The following HAPSTR1 variants were observed in gnomAD, a reference collection of about 807,000 sequenced individuals.
The protein encoded by HAPSTR1 is HUWE1 associated protein modifying stress responses, also known as HUWE1-associated protein modifying stress responses 1.
At chr16:9,101,990 G>A in the HAPSTR1 span, among the ~76,000 whole-genome samples, 7 of 152,242 alleles carry the variant, frequency 4.6e-5, no homozygotes, top group African/African-American at 9.6e-5. Flanking sequence ...GCATGGTGGC[G>A]TGCGCCTGTA....
At chr16:9,096,570 G>A in the HAPSTR1 span, among the ~76,000 whole-genome samples, 1 of 152,178 alleles carries the variant, frequency 6.6e-6, no homozygotes, top group Admixed American at 6.5e-5. Context: ...AACTGTAAAT[G>A]TGTGGGCCAA....
At chr16:9,118,464 T>C in the HAPSTR1 span, 1 of 152,660 alleles carries the variant, frequency 6.6e-6, no homozygotes, top group Non-Finnish European at 1.5e-5. Context: ...GGGATGTGAA[T>C]GGAATGTTAG....
At chr16:9,093,042 CGCCTGCGTCAGGGTGTCT>C in the HAPSTR1 span, 2 of 1,559,558 alleles carry the variant, frequency 1.3e-6, no homozygotes, top group East Asian at 4.5e-5. Flanking sequence ...AGGGAAGGGC[CGCCTGCGTCAGGGTGTCT>C]GCCCTGCGTT....
the HAPSTR1 span, chr16:9,092,312 C>A: frequency 1.4e-6 from 2 of 1,433,432 alleles, no homozygotes; most frequent in African/African-American, 1.5e-5. Context: ...TGGCCGCCCC[C>A]GCCCGGGCCC....
chr16:9,094,642 T>C, the HAPSTR1 span, among the ~76,000 whole-genome samples: 1 of 152,228 alleles, frequency 6.6e-6, no homozygotes, highest in African/African-American at 2.4e-5. Context: ...CCAGTTACTA[T>C]GATAAGGTTC....
the HAPSTR1 span, chr16:9,118,622 G>A: frequency 2.1e-4 from 32 of 152,500 alleles, no homozygotes; most frequent in African/African-American, 7.7e-4. Context: ...ATAATAGCAG[G>A]AAGAATTATA....
chr16:9,112,843 G>A, the HAPSTR1 span: 1 of 152,100 alleles, frequency 6.6e-6, no homozygotes, highest in Non-Finnish European at 1.5e-5. Flanking sequence ...AATGGATACA[G>A]ACACTTTAAA....
the HAPSTR1 span, among the ~76,000 whole-genome samples, chr16:9,096,428 AT>A: frequency 6.6e-6 from 1 of 152,188 alleles, no homozygotes. Flanking sequence ...TGTAAGTAGA[AT>A]TGACAGGTGG....
the HAPSTR1 span, chr16:9,112,578 A>G: frequency 6.6e-6 from 1 of 152,282 alleles, no homozygotes; most frequent in Non-Finnish European, 1.5e-5. Flanking sequence ...CTGGGCTGGC[A>G]TTTGTTCTTT....
the HAPSTR1 span, chr16:9,103,458 T>G: frequency 1.7e-6 from 1 of 573,444 alleles, no homozygotes; most frequent in African/African-American, 1.9e-5. Flanking sequence ...TAGAAAATGT[T>G]TTTAGAAAGT....
At chr16:9,113,972 C>T in the HAPSTR1 span, among the ~76,000 whole-genome samples, 1 of 152,066 alleles carries the variant, frequency 6.6e-6, no homozygotes, top group Non-Finnish European at 1.5e-5. Flanking sequence ...GGGGGTAGGA[C>T]TTTGAAGTAT....
chr16:9,092,001 G>A, the HAPSTR1 span: 1 of 1,452,870 alleles, frequency 6.9e-7, no homozygotes, highest in Non-Finnish European at 9.2e-7. Flanking sequence ...CGCCTGAGGA[G>A]GACGCGGCGG....
At chr16:9,092,493 C>T in the HAPSTR1 span, among the ~76,000 whole-genome samples, 1 of 152,192 alleles carries the variant, frequency 6.6e-6, no homozygotes, top group African/African-American at 2.4e-5. Context: ...GGGGTAGCCC[C>T]GCTTTGGGGT....
the HAPSTR1 span, chr16:9,111,800 A>G: frequency 6.6e-6 from 1 of 152,236 alleles, no homozygotes; most frequent in East Asian, 1.9e-4. Context: ...TTATCCCAGT[A>G]TATAGAGATT....
the HAPSTR1 span, chr16:9,110,839 A>T: frequency 1.3e-5 from 2 of 152,326 alleles, no homozygotes; most frequent in African/African-American, 4.8e-5. Context: ...GGAGTTTGAG[A>T]CCGGCCTGAC....
the HAPSTR1 span, chr16:9,103,436 G>C: frequency 1.6e-6 from 1 of 632,092 alleles, no homozygotes; most frequent in African/African-American, 1.8e-5. Flanking sequence ...ATTTCTGTCA[G>C]CTAACCTATC....
At chr16:9,116,616 T>C in the HAPSTR1 span, 1 of 1,585,086 alleles carries the variant, frequency 6.3e-7, no homozygotes, top group Admixed American at 1.7e-5. Context: ...TGGGTTGCTT[T>C]CAAAAGGGTT....
At chr16:9,105,575 A>C in the HAPSTR1 span, 1 of 152,232 alleles carries the variant, frequency 6.6e-6, no homozygotes, top group African/African-American at 2.4e-5. Flanking sequence ...AGTGACTTCA[A>C]CTGGGTGTCC....
At chr16:9,106,828 C>T in the HAPSTR1 span, 2 of 151,946 alleles carry the variant, frequency 1.3e-5, no homozygotes, top group Non-Finnish European at 2.9e-5. Flanking sequence ...TATAAATTTC[C>T]CAAGAGTTGA....
Sources: gnomAD v4.1 joint callset for allele counts (sites outside exome capture counted in the v4.1 genomes callset) on GRCh38, gnomAD v4.1.1 for gene constraint, MANE v1.5 for transcripts, NCBI Gene and HGNC (gene_info 2026-07-23, HGNC 2026-07-21) for gene names.